Variants in HECTD2 observed in about 807,000 individuals in gnomAD.
HECTD2 encodes HECT domain E3 ubiquitin protein ligase 2, also known as probable E3 ubiquitin-protein ligase HECTD2.
Under a neutral mutation model 103.2 loss-of-function variants are expected in HECTD2, and 35 were observed. The ratio of observed to expected loss-of-function variants is 0.34; its 90% CI spans 0.26 to 0.45. The LOEUF (loss-of-function observed/expected upper bound fraction) is 0.45, where lower values mean the gene tolerates loss of function less well. Among genes scored for constraint, HECTD2 ranks in the 20% least tolerant of loss-of-function variants. The pLI, the probability that HECTD2 is intolerant of heterozygous loss-of-function variation, is 1.00. For synonymous variants in HECTD2, 281 were observed against 329.9 expected (o/e 0.85, Z 1.61); for missense variants, 596 against 937.4 (o/e 0.64, Z 4.76).
At chr10:91,441,886 CTTT>C (rs765691512) in intron 2 of HECTD2, among the ~76,000 whole-genome samples, 6 of 81,954 alleles carry the variant, frequency 7.3e-5, no homozygotes, top group African/African-American at 1.2e-4. Context: ...GCAACCCTTG[CTTT>C]TTTTTTTTTT....
intron 5 of HECTD2, among the ~76,000 whole-genome samples, chr10:91,469,622 A>C (rs1372347889): frequency 6.6e-6 from 1 of 152,226 alleles, no homozygotes; most frequent in Admixed American, 6.5e-5. Context: ...TATGGAAAGG[A>C]AAGACTGTTA....
intron 15 of HECTD2, among the ~76,000 whole-genome samples, chr10:91,497,364 C>T (rs1846716959): frequency 6.7e-6 from 1 of 148,958 alleles, no homozygotes; most frequent in Non-Finnish European, 1.5e-5. Flanking sequence ...AATCTCAGCT[C>T]ACTGCAACCT....
In HECTD2 at chr10:91,410,444, T is replaced by C; in HGVS notation, c.6T>C (p.Ser2=). 1 of 1,443,034 alleles carries C rather than the reference T, an allele frequency of 6.9e-7. No individual in the cohort carries two copies. The highest frequency in any genetic ancestry group is 9.1e-7 in the Non-Finnish European group (1 of 1,101,694). 89.4% of individuals were successfully genotyped at this position (1,443,034 alleles called of 1,614,324 possible). A position where few individuals can be genotyped will look rare whatever the true frequency, so the allele number is the denominator to read the frequency against. Residue 2 remains serine (S), a synonymous_variant, in exon 1 of 21, where the codon AGT becomes AGC. Transcript: ENST00000298068. ...CTCCCGCCGCCCGGCCCGACATGAG[T>C]GAGGCGGTTCGGGTACCCTCGCCCG... M[S]EAVRVPSPAT...
intron 2 of HECTD2, among the ~76,000 whole-genome samples, chr10:91,438,610 G>A (rs561653529): frequency 6.6e-6 from 1 of 152,230 alleles, no homozygotes; most frequent in East Asian, 1.9e-4. Context: ...GGATTGCTGG[G>A]TCACATGGTA....
At chr10:91,426,119 T>A (rs1843549195) in intron 2 of HECTD2, among the ~76,000 whole-genome samples, 1 of 152,054 alleles carries the variant, frequency 6.6e-6, no homozygotes, top group South Asian at 2.1e-4. Flanking sequence ...CCAACGTTTT[T>A]AAGTGCAGGG....
At chr10:91,471,658 A>G (rs888025805) in intron 5 of HECTD2, among the ~76,000 whole-genome samples, 2 of 152,216 alleles carry the variant, frequency 1.3e-5, no homozygotes, top group Non-Finnish European at 2.9e-5. Flanking sequence ...TAGCATTTCT[A>G]TACACCAACA....
At chr10:91,425,235 A>AT (rs1176910238) in intron 1 of HECTD2, 46 bp from the exon 2 acceptor site, 1 of 1,346,988 alleles carries the variant, frequency 7.4e-7, no homozygotes, top group Non-Finnish European at 9.7e-7. Context: ...AAAATAATTT[A>AT]TAGGTAGTAG....
chr10:91,423,240 G>C (rs1843425339), intron 1 of HECTD2, among the ~76,000 whole-genome samples: 1 of 152,128 alleles, frequency 6.6e-6, no homozygotes, highest in African/African-American at 2.4e-5. Flanking sequence ...ATTCAAACTG[G>C]AGTTTGAATC....
intron 18 of HECTD2, among the ~76,000 whole-genome samples, chr10:91,499,981 T>G (rs1674362871): frequency 6.6e-6 from 1 of 152,150 alleles, no homozygotes; most frequent in Non-Finnish European, 1.5e-5. Context: ...CTCTGGTAAT[T>G]GTGGGAGTGG....
chr10:91,423,783 G>A (rs1376393898), intron 1 of HECTD2, among the ~76,000 whole-genome samples: 3 of 152,230 alleles, frequency 2.0e-5, no homozygotes, highest in South Asian at 2.1e-4. Context: ...AATTTAAAGT[G>A]TAGCACCTAT....
intron 20 of HECTD2, among the ~76,000 whole-genome samples, chr10:91,505,005 T>G (rs555502961): frequency 2.0e-5 from 3 of 152,232 alleles, no homozygotes; most frequent in African/African-American, 7.2e-5. Context: ...ACCCAGAATT[T>G]CATATCCAGC....
chr10:91,439,583 A>G (rs888514216), intron 2 of HECTD2, among the ~76,000 whole-genome samples: 3 of 152,178 alleles, frequency 2.0e-5, no homozygotes, highest in Admixed American at 6.5e-5. Flanking sequence ...TTGGTTCCAC[A>G]TGAAACGTAA....
upstream of HECTD2, chr10:91,409,279 G>C (rs902388408): frequency 6.6e-6 from 1 of 152,162 alleles, no homozygotes; most frequent in African/African-American, 2.4e-5. Context: ...GGGGCGACAA[G>C]AAAGGAAAGG....
At chr10:91,415,823 T>C (rs1325463253) in intron 1 of HECTD2, among the ~76,000 whole-genome samples, 1 of 152,232 alleles carries the variant, frequency 6.6e-6, no homozygotes, top group Admixed American at 6.5e-5. Context: ...TGTTCTAGGA[T>C]ATCTATTTGC....
At chr10:91,486,120 T>C (rs1846257460) in intron 10 of HECTD2, 1 of 152,094 alleles carries the variant, frequency 6.6e-6, no homozygotes, top group Admixed American at 6.6e-5. Flanking sequence ...ACAGTGTGGA[T>C]ATAAGTAACC....
At chr10:91,499,755 C>T (rs1393324891) in intron 18 of HECTD2, among the ~76,000 whole-genome samples, 1 of 152,128 alleles carries the variant, frequency 6.6e-6, no homozygotes, top group Admixed American at 6.5e-5. Context: ...TTATACCTCC[C>T]TTAGTTTCAT....
At chr10:91,456,181 A>C (rs1786325650) in intron 2 of HECTD2, among the ~76,000 whole-genome samples, 1 of 152,092 alleles carries the variant, frequency 6.6e-6, no homozygotes, top group African/African-American at 2.4e-5. Flanking sequence ...GGCCATTTTC[A>C]CAATATTGAT....
At chr10:91,436,505 A>G (rs569453482) in intron 2 of HECTD2, among the ~76,000 whole-genome samples, 1 of 152,028 alleles carries the variant, frequency 6.6e-6, no homozygotes, top group Admixed American at 6.6e-5. Flanking sequence ...TTAGTTGTTT[A>G]CTGCCACTAT....
chr10:91,451,290 A>G (rs763497809), intron 2 of HECTD2, among the ~76,000 whole-genome samples: 1 of 152,070 alleles, frequency 6.6e-6, no homozygotes, highest in African/African-American at 2.4e-5. Flanking sequence ...CGAACACCAC[A>G]TGTTCTCACT....
Sources: allele counts gnomAD v4.1 joint callset (sites outside exome capture counted in the v4.1 genomes callset), GRCh38; gene constraint gnomAD v4.1.1; transcripts MANE v1.5; gene names NCBI Gene and HGNC (gene_info 2026-07-23, HGNC 2026-07-21).